Variants in ZNF146 observed in about 807,000 individuals in gnomAD.
ZNF146 encodes zinc finger protein OZF.
A neutral mutation model predicts 22.2 loss-of-function variants in ZNF146; 9 were observed. The observed-to-expected ratio is 0.41, with a 90% CI of 0.24 to 0.71. The LOEUF is 0.71. ZNF146 is among the 30% of genes least tolerant of loss of function. The pLI, the probability that ZNF146 is intolerant of heterozygous loss-of-function variation, is 0.34. For synonymous variants in ZNF146, 108 were observed against 119.2 expected (o/e 0.91, Z 0.61); for missense variants, 194 against 344.8 (o/e 0.56, Z 3.46).
At chr19:36,216,595 T>G (rs557660745) in intron 1 of ZNF146, among the ~76,000 whole-genome samples, 4 of 114,570 alleles carry the variant, frequency 3.5e-5, no homozygotes, top group Non-Finnish European at 7.8e-5. Context: ...GAGGCGGAGG[T>G]TGCAGTGAGC....
intron 2 of ZNF146, among the ~76,000 whole-genome samples, chr19:36,225,466 AT>A (rs1466786442): frequency 6.7e-6 from 1 of 149,732 alleles, no homozygotes. Flanking sequence ...TCTTAAGTTC[AT>A]TTTGTTATGT....
In ZNF146 at chr19:36,230,022, C is replaced by T. The variant is rs145744481; in HGVS notation, c.-783+1203C>T. On this transcript the variant is annotated intron_variant, in intron 3 of 3. Coordinates refer to ENST00000443387, the MANE Select transcript of ZNF146 (RefSeq NM_007145.3). ...GGTTTGAGCCACCGCGCCTGGCTAA[C>T]GCATAATTTAACCTGTCTCCTACTA... Among the ~76,000 whole-genome samples the T allele has an allele frequency of 1.4e-3, 220 of 152,274 alleles. 1 individual carries two copies. The highest frequency in any genetic ancestry group is 4.6e-3 in the African/African-American group (192 of 41,560).
At chr19:36,217,943 G>GT (rs1976681418) in intron 1 of ZNF146, among the ~76,000 whole-genome samples, 179 bp from the exon 2 acceptor site, 1 of 151,896 alleles carries the variant, frequency 6.6e-6, no homozygotes, top group East Asian at 1.9e-4. Flanking sequence ...GGCTGTTGGG[G>GT]TGGGGGTACT....
chr19:36,229,681 G>GT (rs764161984), intron 3 of ZNF146, among the ~76,000 whole-genome samples: 1 of 152,038 alleles, frequency 6.6e-6, no homozygotes, highest in Non-Finnish European at 1.5e-5. Context: ...ATGTACATAA[G>GT]TTTTTTTCTT....
Position 36,238,097 on chromosome 19 carries a change from C to G in ZNF146, c.*778C>G, listed in dbSNP as rs1379977824. 1 of 167,012 alleles carries G rather than the reference C, an allele frequency of 6.0e-6. No individual in the cohort carries two copies. The highest frequency in any genetic ancestry group is 1.9e-4 in the East Asian group (1 of 5,202). The allele number at this position is 167,012 out of a possible 1,614,324, so 10.3% of individuals were successfully genotyped here. On this transcript the variant is annotated 3_prime_UTR_variant, in exon 4 of 4. Coordinates refer to ENST00000443387, the MANE Select transcript of ZNF146 (RefSeq NM_007145.3). Reference sequence around the variant, plus strand: ...CAAAAATTAGAAACAACTGAGAAAGCCCATCACGAACAATATGGGAAATTC... The same window carrying G: ...CAAAAATTAGAAACAACTGAGAAAGGCCATCACGAACAATATGGGAAATTC...
chr19:36,237,374 A>G lies in ZNF146; in HGVS notation c.*55A>G, dbSNP rs1011526296. On this transcript the variant is annotated 3_prime_UTR_variant, in exon 4 of 4. Coordinates refer to ENST00000443387, the MANE Select transcript of ZNF146 (RefSeq NM_007145.3). The stretch of plus-strand genomic sequence containing the variant: ...AGCTTTCATTAGAAATTTGCACCTC[A>G]TCATGCCCCAGAAATAATCCTTCTG... 4 of 1,531,342 alleles carry G rather than the reference A, an allele frequency of 2.6e-6. No homozygotes were observed. The highest frequency in any genetic ancestry group is 3.5e-6 in the Non-Finnish European group (4 of 1,141,180). 94.9% of individuals were successfully genotyped at this position (1,531,342 alleles called of 1,614,324 possible).
At position 36,232,489 on chromosome 19, in the gene ZNF146, G is replaced by A. The variant is rs576906783; in HGVS notation, c.-782-3170G>A. On this transcript the variant is annotated intron_variant, in intron 3 of 3. Transcript: ENST00000443387. ...CCGTCTATAGTCTGCATTATAATCC[G>A]GTTAAAAGGAAGGTCCATGTTTTAT... Among the ~76,000 whole-genome samples the A allele has an allele frequency of 7.9e-4, 120 of 152,106 alleles. 2 individuals carry two copies. The highest frequency in any genetic ancestry group is 4.2e-3 in the Admixed American group (64 of 15,278).
chr19:36,216,106 C>G (rs1011747671), intron 1 of ZNF146, among the ~76,000 whole-genome samples: 18 of 152,130 alleles, frequency 1.2e-4, no homozygotes, highest in Admixed American at 4.6e-4. Context: ...AATTGGGTAC[C>G]AAGTTAATAT....
At chr19:36,229,499 T>C (rs1424079030) in intron 3 of ZNF146, among the ~76,000 whole-genome samples, 2 of 152,208 alleles carry the variant, frequency 1.3e-5, no homozygotes, top group Non-Finnish European at 2.9e-5. Context: ...TCTTGACTCT[T>C]AGTCCTGCAG....
At chr19:36,222,867 GGTTTT>G (rs1194977716) in intron 2 of ZNF146, among the ~76,000 whole-genome samples, 2 of 137,266 alleles carry the variant, frequency 1.5e-5, no homozygotes, top group Non-Finnish European at 3.3e-5. Flanking sequence ...AGAAATAAGA[GGTTTT>G]GTTTTAATTT....
intron 2 of ZNF146, among the ~76,000 whole-genome samples, chr19:36,224,766 A>T (rs1976998895): frequency 2.0e-5 from 3 of 152,214 alleles, no homozygotes; most frequent in African/African-American, 7.2e-5. Flanking sequence ...GGACATTTTT[A>T]TGACATTAAA....
At chr19:36,215,019 A>C (rs1049287053), upstream of ZNF146, 2 of 152,328 alleles carry the variant, frequency 1.3e-5, no homozygotes, top group African/African-American at 4.8e-5. Context: ...TGGTAATAGA[A>C]GGTAATTCAG....
chr19:36,233,503 C>T (rs899383884), intron 3 of ZNF146, among the ~76,000 whole-genome samples: 4 of 151,928 alleles, frequency 2.6e-5, no homozygotes, highest in Admixed American at 2.6e-4. Flanking sequence ...ATACGGAGGA[C>T]CTCTCAAGAG....
rs553728749 is a variant in ZNF146, at chr19:36,236,395, T to C, written c.-46T>C. ...AGTAAATCCTCACTCATCAAGAAAT[T>C]TTTACTGGAGAGAAACCTTGTGAAT... On this transcript the variant is annotated 5_prime_UTR_variant, in exon 4 of 4. Transcript: ENST00000443387. 4 of 1,542,548 alleles carry C rather than the reference T, an allele frequency of 2.6e-6. No homozygotes were observed. The highest frequency in any genetic ancestry group is 2.8e-5 in the African/African-American group (2 of 72,096).
Position 36,228,820 on chromosome 19 carries a change from G to C in ZNF146, c.-783+1G>C, listed in dbSNP as rs540099945. ...AAAGAAGTGGGAAGGATCTGCGCGG[G>C]TGAGTAAATGACAGGCAGGCCACAG... is the stretch of plus-strand genomic sequence containing the variant. On this transcript the variant is annotated splice_donor_variant, in intron 3 of 3. Coordinates refer to ENST00000443387, the MANE Select transcript of ZNF146 (RefSeq NM_007145.3). LOFTEE classifies it low-confidence loss of function (5UTR_SPLICE). 3.7e-4 allele frequency: 57 copies of C among 152,424 alleles called. 1 individual carries two copies. The highest frequency in any genetic ancestry group is 1.3e-3 in the African/African-American group (53 of 41,568). 9.4% of individuals were successfully genotyped at this position (152,424 alleles called of 1,614,324 possible).
At chr19:36,223,629 C>T (rs1456344138) in intron 2 of ZNF146, among the ~76,000 whole-genome samples, 1 of 152,058 alleles carries the variant, frequency 6.6e-6, no homozygotes, top group Non-Finnish European at 1.5e-5. Flanking sequence ...CTCCAAAGTG[C>T]TGGGATTACA....
At chr19:36,215,218 T>C (rs1195357024) in intron 1 of ZNF146, 22 bp downstream of exon 1, 1 of 152,300 alleles carries the variant, frequency 6.6e-6, no homozygotes, top group African/African-American at 2.4e-5. Context: ...GCGTCTCGGG[T>C]CGGTCGGACC....
chr19:36,217,221 C>T lies in ZNF146; in HGVS notation c.-928-901C>T, dbSNP rs374745259. ...GGGATTAGTTGCCTGCCACCACACCCGGCTACTTTTTTTGTATTTTTAGTA... is the reference window on the plus strand; with the variant it reads ...GGGATTAGTTGCCTGCCACCACACCTGGCTACTTTTTTTGTATTTTTAGTA... On this transcript the variant is annotated intron_variant, in intron 1 of 3. Coordinates refer to ENST00000443387, the MANE Select transcript of ZNF146 (RefSeq NM_007145.3). Among the ~76,000 whole-genome samples, 15 of 151,646 alleles carry T rather than the reference C, an allele frequency of 9.9e-5. No homozygotes were observed. The East Asian group carries it at 1.4e-3, about 14-fold the overall frequency.
chr19:36,225,399 C>T (rs1276794946), intron 2 of ZNF146, among the ~76,000 whole-genome samples: 1 of 152,050 alleles, frequency 6.6e-6, no homozygotes, highest in East Asian at 1.9e-4. Flanking sequence ...TACTCATTTC[C>T]TCTGTTTATC....
Sources: gnomAD v4.1 joint callset for allele counts (sites outside exome capture counted in the v4.1 genomes callset) on GRCh38, gnomAD v4.1.1 for gene constraint, MANE v1.5 for transcripts, NCBI Gene and HGNC (gene_info 2026-07-23, HGNC 2026-07-21) for gene names.